The following SYT1 variants were observed in gnomAD, a reference collection of about 807,000 sequenced individuals.
The protein encoded by SYT1 is synaptotagmin-1.
A neutral mutation model predicts 44.8 loss-of-function variants in SYT1; 8 were observed. The ratio of observed to expected loss-of-function variants is 0.18; its 90% CI spans 0.10 to 0.32. The LOEUF (loss-of-function observed/expected upper bound fraction) is 0.32. Among genes scored for constraint, SYT1 ranks in the 10% least tolerant of loss-of-function variants. The pLI is 1.00. For synonymous variants in SYT1, 154 were observed against 188.8 expected, an observed-to-expected ratio of 0.82 and a Z score of 1.51; for missense variants, 286 against 509.3, an observed-to-expected ratio of 0.56 and a Z score of 4.22.
chr12:78,871,734 C>G (rs1050528943), intron 1 of SYT1, among the ~76,000 whole-genome samples: 4 of 151,896 alleles, frequency 2.6e-5, no homozygotes, highest in African/African-American at 9.7e-5. Context: ...AAATCTGTTT[C>G]TGACTTGGAG....
intron 3 of SYT1, among the ~76,000 whole-genome samples, chr12:79,100,560 G>GA (rs912756403): frequency 3.3e-5 from 5 of 151,506 alleles, no homozygotes; most frequent in Non-Finnish European, 5.9e-5. Context: ...AATATACATA[G>GA]AAAAAAAAGA....
chr12:79,238,015 G>A (rs1290996421), intron 4 of SYT1, among the ~76,000 whole-genome samples: 1 of 152,194 alleles, frequency 6.6e-6, no homozygotes, highest in Non-Finnish European at 1.5e-5. Flanking sequence ...CCTCTAGACT[G>A]TGCCTTGAAC....
intron 4 of SYT1, 80 bp downstream of exon 4, chr12:79,217,765 G>A (rs537295623): frequency 2.5e-5 from 29 of 1,146,338 alleles, no homozygotes; most frequent in Middle Eastern, 4.2e-4. Context: ...GTAGAACTCC[G>A]TTTGATATAC....
chr12:79,375,950 T>C (rs1883977470), intron 9 of SYT1, among the ~76,000 whole-genome samples: 1 of 152,246 alleles, frequency 6.6e-6, no homozygotes, highest in Admixed American at 6.5e-5. Flanking sequence ...AGGATAAATA[T>C]GTTGTATCAT....
intron 9 of SYT1, among the ~76,000 whole-genome samples, chr12:79,426,981 C>T (rs1380432513): frequency 2.6e-5 from 4 of 152,114 alleles, no homozygotes; most frequent in Admixed American, 6.5e-5. Context: ...TTCCTGCCAC[C>T]GTGTGAAGAA....
At chr12:78,987,616 C>T (rs534799185) in intron 2 of SYT1, among the ~76,000 whole-genome samples, 2 of 151,946 alleles carry the variant, frequency 1.3e-5, no homozygotes, top group East Asian at 3.9e-4. Context: ...GAATATGAAA[C>T]CTTACTTGAG....
chr12:79,158,445 C>A lies in SYT1; in HGVS notation c.-17-59058C>A, dbSNP rs150788671. Among the ~76,000 whole-genome samples, 179 of 152,220 alleles carry A rather than the reference C, an allele frequency of 1.2e-3. 2 individuals are homozygous for A. The highest frequency in any genetic ancestry group is 4.0e-3 in the African/African-American group (166 of 41,548). On this transcript the variant is annotated intron_variant, in intron 3 of 10. Transcript: ENST00000261205. ...TGTAAATACAAATGAAGCTTTGCTG[C>A]TTACCTGCCACTCACCTCCTGCTGT... is the stretch of plus-strand genomic sequence containing the variant.
chr12:79,248,442 G>A (rs1196565565), intron 4 of SYT1, among the ~76,000 whole-genome samples: 3 of 152,148 alleles, frequency 2.0e-5, no homozygotes, highest in African/African-American at 7.2e-5. Flanking sequence ...TTTGACAATA[G>A]CATGAAAGCC....
At chr12:79,256,647 T>G (rs1238199063) in intron 4 of SYT1, among the ~76,000 whole-genome samples, 1 of 151,664 alleles carries the variant, frequency 6.6e-6, no homozygotes, top group Admixed American at 6.7e-5. Context: ...AACCATTTTT[T>G]GATGAAGGGA....
chr12:79,243,659 G>A (rs1281076331), intron 4 of SYT1, among the ~76,000 whole-genome samples: 1 of 152,080 alleles, frequency 6.6e-6, no homozygotes, highest in Non-Finnish European at 1.5e-5. Context: ...TTAAAGATAG[G>A]CCTTAATGTA....
intron 5 of SYT1, among the ~76,000 whole-genome samples, chr12:79,289,349 A>C (rs185879165): frequency 6.6e-6 from 1 of 152,210 alleles, no homozygotes; most frequent in African/African-American, 2.4e-5. Context: ...TGCTCTTGAG[A>C]TATTATAATA....
intron 3 of SYT1, among the ~76,000 whole-genome samples, chr12:79,181,855 C>T (rs1406681110): frequency 1.3e-5 from 2 of 152,030 alleles, no homozygotes; most frequent in Non-Finnish European, 2.9e-5. Context: ...TCTATCATCC[C>T]TTTTCCAGAA....
chr12:79,383,216 G>T (rs1027647688), intron 9 of SYT1, among the ~76,000 whole-genome samples: 3 of 150,762 alleles, frequency 2.0e-5, no homozygotes, highest in African/African-American at 5.0e-5. Context: ...AAGCTATAGG[G>T]TATAGCCTAT....
At chr12:79,272,030 A>G (rs1317143197) in intron 4 of SYT1, among the ~76,000 whole-genome samples, 1 of 152,232 alleles carries the variant, frequency 6.6e-6, no homozygotes, top group Admixed American at 6.5e-5. Context: ...GATGTATCCG[A>G]TATTTTTATT....
chr12:79,007,119 A>C (rs1028717945), intron 2 of SYT1, among the ~76,000 whole-genome samples: 2 of 152,156 alleles, frequency 1.3e-5, no homozygotes, highest in African/African-American at 4.8e-5. Flanking sequence ...GCTGACAGGC[A>C]TGACAGCCAG....
At chr12:79,371,194 C>T (rs1009836561) in intron 9 of SYT1, among the ~76,000 whole-genome samples, 3 of 152,124 alleles carry the variant, frequency 2.0e-5, no homozygotes, top group Non-Finnish European at 4.4e-5. Flanking sequence ...CTCAAGGTCA[C>T]AAGGTAAAGA....
chr12:78,943,755 A>G (rs1878509575), intron 1 of SYT1, among the ~76,000 whole-genome samples: 1 of 152,224 alleles, frequency 6.6e-6, no homozygotes, highest in Non-Finnish European at 1.5e-5. Flanking sequence ...CCATGTTACA[A>G]TGCCATGATT....
chr12:79,349,051 AAGAAAGG>A (rs1469235518), intron 8 of SYT1, among the ~76,000 whole-genome samples: 1 of 141,680 alleles, frequency 7.1e-6, no homozygotes, highest in Admixed American at 7.0e-5. Context: ...GAAAGAAAGA[AAGAAAGG>A]AGGGAGGGAG....
intron 3 of SYT1, among the ~76,000 whole-genome samples, chr12:79,064,971 A>AGAAAGAAAGAAAGAAAGAAAGAAAGAAG (rs1565789419): frequency 1.3e-5 from 2 of 149,232 alleles, no homozygotes; most frequent in African/African-American, 5.1e-5. Context: ...AAAGAAAGAA[A>AGAAAGAAAGAAAGAAAGAAAGAAAGAAG]GAAAGAAAGA....
Sources: gnomAD v4.1 joint callset for allele counts (sites outside exome capture counted in the v4.1 genomes callset) on GRCh38, gnomAD v4.1.1 for gene constraint, MANE v1.5 for transcripts, NCBI Gene and HGNC (gene_info 2026-07-23, HGNC 2026-07-21) for gene names.